HARBI1: variants seen among roughly 807,000 people sequenced by gnomAD.
The protein encoded by HARBI1 is harbinger transposase derived 1.
HARBI1 carries 15 observed loss-of-function variants against 25.3 expected under a neutral mutation model. The observed-to-expected ratio is 0.59, with a 90% CI of 0.40 to 0.91. The LOEUF (loss-of-function observed/expected upper bound fraction) is 0.91, where lower values mean the gene tolerates loss of function less well. Ranked by LOEUF, HARBI1 falls within the 40% of genes least tolerant of loss-of-function variation. The probability of loss-of-function intolerance (pLI) is 0.00; values close to 1 mark genes in which losing one functional copy is unlikely to be tolerated. For synonymous variants in HARBI1, 168 were observed against 160.5 expected, an observed-to-expected ratio of 1.05 and a Z score of -0.35; for missense variants, 396 against 445.8, an observed-to-expected ratio of 0.89 and a Z score of 1.01.
At chr11:46,614,061 T>C (rs2045286759) in intron 2 of HARBI1, among the ~76,000 whole-genome samples, 1 of 152,028 alleles carries the variant, frequency 6.6e-6, no homozygotes, top group Admixed American at 6.6e-5. Context: ...TATGTATAAA[T>C]ATATACCTGT....
chr11:46,614,238 A>C (rs765341518), intron 2 of HARBI1, among the ~76,000 whole-genome samples: 41 of 151,778 alleles, frequency 2.7e-4, no homozygotes, highest in Admixed American at 1.6e-3. Context: ...GAGCAGCCTG[A>C]CCAACATGGT....
chr11:46,604,988 T>G lies in HARBI1; in HGVS notation c.671-1079A>C, dbSNP rs1010497397. Among the ~76,000 whole-genome samples the G allele has an allele frequency of 2.0e-5, 3 of 152,134 alleles. No homozygotes were observed. The East Asian group carries it at 5.8e-4, about 29-fold the overall frequency. On this transcript the variant is annotated intron_variant, in intron 2 of 2. Transcript: ENST00000326737. ...ATGCCCTGATCCAACAGCACAATGTTAGTATAATGCTTTCTTGTCCTGACT... is the reference window on the plus strand; with the variant it reads ...ATGCCCTGATCCAACAGCACAATGTGAGTATAATGCTTTCTTGTCCTGACT...
Position 46,605,600 on chromosome 11 carries a change from T to A in HARBI1, c.671-1691A>T, listed in dbSNP as rs1274188733. On this transcript the variant is annotated intron_variant, in intron 2 of 2. Transcript: ENST00000326737. The stretch of plus-strand genomic sequence containing the variant: ...CCCAGGTATAACCTTTTTTTTTTTT[T>A]TTTTTTTTTTGACAGTCTGCTCTGT... Among the ~76,000 whole-genome samples the A allele has an allele frequency of 8.9e-5, 13 of 146,524 alleles. No homozygotes were observed. The South Asian group carries it at 2.2e-3, about 25-fold the overall frequency.
rs2044841567 is a variant in HARBI1 at position 46,603,862 on chromosome 11, TGTGAA to T, written c.713_717del (p.Leu238HisfsTer3). On this transcript the variant is annotated frameshift_variant, in exon 3 of 3. Transcript: ENST00000326737. LOFTEE classifies it high-confidence loss of function. ...CGATATTCTGCTGGAGTTTCAGGAA[TGTGAA>T]GTGGGGTCATGAGCCAGGTTCGAAG... 1 of 1,613,826 alleles carries T rather than the reference TGTGAA, an allele frequency of 6.2e-7. No individual in the cohort carries two copies. Among genetic ancestry groups the T allele is most frequent in the African/African-American group, 1.3e-5 (1 of 74,842 alleles).
chr11:46,612,961 C>CA (rs2045240418), intron 2 of HARBI1, among the ~76,000 whole-genome samples: 1 of 146,832 alleles, frequency 6.8e-6, no homozygotes, highest in South Asian at 2.2e-4. Flanking sequence ...CATGAGCCAC[C>CA]ACACCCGGAT....
At chr11:46,613,467 T>C (rs1267964184) in intron 2 of HARBI1, among the ~76,000 whole-genome samples, 2 of 150,242 alleles carry the variant, frequency 1.3e-5, no homozygotes. Context: ...ACAGTCCTGA[T>C]AAGTATGTTG....
At chr11:46,613,775 A>C (rs902275254) in intron 2 of HARBI1, among the ~76,000 whole-genome samples, 1 of 151,902 alleles carries the variant, frequency 6.6e-6, no homozygotes, top group Non-Finnish European at 1.5e-5. Flanking sequence ...GAGCTACCGC[A>C]CCCAGCAGTA....
Position 46,603,889 on chromosome 11 carries a change from G to A in HARBI1, c.691C>T (p.Arg231Ter), listed in dbSNP as rs376775860. The change falls in exon 3 of 3, where the codon CGA (arginine) becomes TGA (stop). Residue 231 changes from arginine (R) to a stop codon, truncating the protein, a stop_gained. Coordinates refer to ENST00000326737, the MANE Select transcript of HARBI1 (RefSeq NM_173811.4). LOFTEE classifies it high-confidence loss of function. ...WLLGDSSFFL[R>*]TWLMTPLHIP... ...TGAAGTGGGGTCATGAGCCAGGTTC[G>A]AAGAAAGAAGGAACTGTCACCTGTG... 2.7e-5 allele frequency: 43 copies of A among 1,611,294 alleles called. No homozygotes were observed. The highest frequency in any genetic ancestry group is 3.4e-5 in the Non-Finnish European group (40 of 1,178,292).
chr11:46,603,265 G>C lies in HARBI1; in HGVS notation c.*265C>G. 1 of 308,838 alleles carries C rather than the reference G, an allele frequency of 3.2e-6. No homozygotes were observed. 19.1% of individuals were successfully genotyped at this position (308,838 alleles called of 1,614,324 possible). A position where few individuals can be genotyped will look rare whatever the true frequency, so the allele number is the denominator to read the frequency against. On this transcript the variant is annotated 3_prime_UTR_variant, in exon 3 of 3. Transcript: ENST00000326737. ...ACAGTCATAAATGTTTGCAACCACT[G>C]AGCTTTCAAATTAGTGGTACTCAAC...
At chr11:46,608,500 A>G (rs1220130947) in intron 2 of HARBI1, among the ~76,000 whole-genome samples, 1 of 152,170 alleles carries the variant, frequency 6.6e-6, no homozygotes, top group Admixed American at 6.6e-5. Flanking sequence ...ACTGGAGTGC[A>G]ATAGCACGAT....
chr11:46,615,495 G>C, intron 2 of HARBI1, 73 bp downstream of exon 2: 1 of 1,306,300 alleles, frequency 7.7e-7, no homozygotes, highest in Middle Eastern at 1.9e-4. Context: ...GGGGTTGTGT[G>C]AGCCACCGCC....
In HARBI1 at chr11:46,608,923, T is replaced by C. The variant is rs983547367; in HGVS notation, c.671-5014A>G. Among the ~76,000 whole-genome samples, 56 of 149,738 alleles carry C rather than the reference T, an allele frequency of 3.7e-4. 2 individuals are homozygous for C. Among genetic ancestry groups the C allele is most frequent in the African/African-American group, 1.4e-3 (55 of 40,274 alleles). On this transcript the variant is annotated intron_variant, in intron 2 of 2. Transcript: ENST00000326737. ...AGCCACCGCACCTGACAAATTTTTT[T>C]TTTCTTTTTTTTTTTTTGAGGCAAA...
Position 46,603,604 on chromosome 11 carries a change from A to C in HARBI1, c.976T>G (p.Tyr326Asp). The change falls in exon 3 of 3, where the codon TAT becomes GAT. Residue 326 changes from tyrosine (Y) to aspartate (D), a missense_variant. By Grantham distance (160) the Tyr-to-Asp change is radical (BLOSUM62 -3). Coordinates refer to ENST00000326737, the MANE Select transcript of HARBI1 (RefSeq NM_173811.4). ...GPMEQPPEEE[Y>D]EHMESLDLEA... ...AAGTCCAGGGACTCCATGTGCTCATACTCCTCTTCCGGGGGCTGTTCCATG... is the reference window on the plus strand; with the variant it reads ...AAGTCCAGGGACTCCATGTGCTCATCCTCCTCTTCCGGGGGCTGTTCCATG... 1 of 1,613,934 alleles carries C rather than the reference A, an allele frequency of 6.2e-7. No homozygotes were observed. The highest frequency in any genetic ancestry group is 8.5e-7 in the Non-Finnish European group (1 of 1,179,972).
At chr11:46,615,321 A>G (rs2045335719) in intron 2 of HARBI1, among the ~76,000 whole-genome samples, 1 of 151,430 alleles carries the variant, frequency 6.6e-6, no homozygotes, top group Non-Finnish European at 1.5e-5. Context: ...TTCTGGGTTC[A>G]AGCGATTGTC....
chr11:46,604,691 A>C (rs2044870617), intron 2 of HARBI1: 1 of 985,334 alleles, frequency 1.0e-6, no homozygotes, highest in Non-Finnish European at 1.2e-6. Flanking sequence ...AATAAGATAA[A>C]AGTCCGAGCA....
Position 46,603,740 on chromosome 11 carries a change from T to C in HARBI1, c.840A>G (p.Ala280=), listed in dbSNP as rs2044836654. The change falls in exon 3 of 3, where the codon GCA becomes GCG. Residue 280 remains alanine (A), a synonymous_variant. Coordinates refer to ENST00000326737, the MANE Select transcript of HARBI1 (RefSeq NM_173811.4). ...TGGATTTCTCTGGTGAGTACTGCAG[T>C]GCCCCCTTGGATCCATCCAGGCAGC... ...RFRCLDGSKG[A]LQYSPEKSSH... The C allele has an allele frequency of 1.9e-6, 3 of 1,614,004 alleles. No homozygotes were observed. Among genetic ancestry groups the C allele is most frequent in the Admixed American group, 1.7e-5 (1 of 59,988 alleles).
intron 1 of HARBI1, 158 bp from the exon 2 acceptor site, chr11:46,616,539 G>A (rs997220390): frequency 5.2e-6 from 6 of 1,161,932 alleles, no homozygotes; most frequent in Admixed American, 8.8e-5. Flanking sequence ...ATGGCTGCAC[G>A]ACAGGCTTGC....
chr11:46,610,703 T>G (rs959243159), intron 2 of HARBI1, among the ~76,000 whole-genome samples: 45 of 152,140 alleles, frequency 3.0e-4, no homozygotes, highest in African/African-American at 1.0e-3. Context: ...GTTGCTACAG[T>G]ATCCATTTTT....
intron 2 of HARBI1, 100 bp downstream of exon 2, chr11:46,615,468 C>T (rs1273807382): frequency 1.5e-5 from 14 of 925,392 alleles, no homozygotes; most frequent in Non-Finnish European, 2.2e-5. Flanking sequence ...TCTACCGCCT[C>T]AGCCTCCCAA....
Sources: gnomAD v4.1 joint callset for allele counts (sites outside exome capture counted in the v4.1 genomes callset) on GRCh38, gnomAD v4.1.1 for gene constraint, MANE v1.5 for transcripts, NCBI Gene and HGNC (gene_info 2026-07-23, HGNC 2026-07-21) for gene names.